The following PCBP3 variants were observed in gnomAD, a reference collection of about 807,000 sequenced individuals.
PCBP3 encodes the protein poly(rC)-binding protein 3.
A neutral mutation model predicts 52.7 loss-of-function variants in PCBP3; 25 were observed. The ratio of observed to expected loss-of-function variants is 0.47; its 90% confidence interval spans 0.35 to 0.66. The LOEUF (loss-of-function observed/expected upper bound fraction) is 0.66, where lower values mean the gene tolerates loss of function less well. Ranked by LOEUF, PCBP3 falls within the 30% of genes least tolerant of loss-of-function variation. The pLI, the probability that PCBP3 is intolerant of heterozygous loss-of-function variation, is 0.01. For synonymous variants in PCBP3, 162 were observed against 183.0 expected (o/e 0.89, Z 0.93); for missense variants, 391 against 490.3 (o/e 0.80, Z 1.91).
chr21:45,810,630 C>A, intron 4 of PCBP3, among the ~76,000 whole-genome samples: 1 of 151,980 alleles, frequency 6.6e-6, no homozygotes, highest in East Asian at 1.9e-4. Flanking sequence ...ATGAGAGACA[C>A]TTTCATTTTT....
intron 4 of PCBP3, among the ~76,000 whole-genome samples, chr21:45,768,317 G>A (rs2145727017): frequency 6.6e-6 from 1 of 152,348 alleles, no homozygotes; most frequent in South Asian, 2.1e-4. Flanking sequence ...TTCCAGCACT[G>A]CGAGACTCTC....
chr21:45,884,841 C>G (rs1826766066), intron 5 of PCBP3, among the ~76,000 whole-genome samples: 1 of 152,200 alleles, frequency 6.6e-6, no homozygotes, highest in Non-Finnish European at 1.5e-5. Flanking sequence ...ACTGTAACTT[C>G]CTTTATAATT....
At chr21:45,936,462 C>A (rs1006446923) in intron 16 of PCBP3, among the ~76,000 whole-genome samples, 9 of 152,250 alleles carry the variant, frequency 5.9e-5, no homozygotes, top group Admixed American at 2.0e-4. Context: ...CTTCTGGCAT[C>A]CCCAAGGATT....
chr21:45,761,097 G>A (rs7280089), intron 4 of PCBP3: 23,845 of 151,412 alleles, frequency 0.16, 2,056 homozygotes, highest in African/African-American at 0.22. Flanking sequence ...AAAAAGTTCC[G>A]TGGGAAGAGC....
rs536305387 is a variant in PCBP3, at chr21:45,708,662, G to A, written c.-199-26730G>A. ...CTAGCAACCGTAGCTTGCAGCAGGG[G>A]TGGGAGTTAATACAATGAGGGGTTA... On this transcript the variant is annotated intron_variant, in intron 2 of 17. Coordinates refer to ENST00000681687, the MANE Select transcript of PCBP3 (RefSeq NM_001384156.1). Among the ~76,000 whole-genome samples, 14 of 152,358 alleles carry A rather than the reference G, an allele frequency of 9.2e-5. No individual in the cohort carries two copies. The East Asian group carries it at 2.7e-3, about 29-fold the overall frequency.
intron 2 of PCBP3, among the ~76,000 whole-genome samples, chr21:45,671,167 G>C (rs551183771): frequency 1.3e-5 from 2 of 152,294 alleles, no homozygotes; most frequent in African/African-American, 4.8e-5. Flanking sequence ...TTTCAATGCT[G>C]TCCTGGGAAA....
intron 1 of PCBP3, among the ~76,000 whole-genome samples, chr21:45,663,579 G>T (rs1002445921): frequency 6.6e-6 from 1 of 152,014 alleles, no homozygotes; most frequent in Non-Finnish European, 1.5e-5. Context: ...AGAGATAAGG[G>T]TCTAGTTTTC....
At chr21:45,877,105 A>G (rs1163387770) in intron 5 of PCBP3, among the ~76,000 whole-genome samples, 1 of 152,356 alleles carries the variant, frequency 6.6e-6, no homozygotes, top group Admixed American at 6.5e-5. Flanking sequence ...TGGGCCTCAC[A>G]TGACACTTTC....
At chr21:45,820,061 T>A (rs1291422446) in intron 4 of PCBP3, among the ~76,000 whole-genome samples, 3 of 152,272 alleles carry the variant, frequency 2.0e-5, no homozygotes, top group Non-Finnish European at 2.9e-5. Flanking sequence ...GGGTCTTCCC[T>A]GGAGACTGGG....
chr21:45,733,494 T>C (rs531689948), intron 2 of PCBP3, among the ~76,000 whole-genome samples: 2 of 152,252 alleles, frequency 1.3e-5, no homozygotes, highest in African/African-American at 4.8e-5. Flanking sequence ...GGTTTCACTG[T>C]GTTAGCCAGG....
In PCBP3 at chr21:45,911,153, C is replaced by T. The variant is rs773207488; in HGVS notation, c.600+123C>T. 5 of 1,150,062 alleles carry T rather than the reference C, an allele frequency of 4.3e-6. No homozygotes were observed. The East Asian group carries it at 9.6e-5, about 22-fold the overall frequency. 71.2% of individuals were successfully genotyped at this position (1,150,062 alleles called of 1,614,324 possible). On this transcript the variant is annotated intron_variant, in intron 11 of 17. Coordinates refer to ENST00000681687, the MANE Select transcript of PCBP3 (RefSeq NM_001384156.1). ...CACACAGTTGGGGCTGTGGGGGGCT[C>T]CTGACCCCAAGTCAGCCTGAGCGAG... is the stretch of plus-strand genomic sequence containing the variant.
intron 4 of PCBP3, among the ~76,000 whole-genome samples, chr21:45,832,377 T>G (rs4819154): frequency 0.14 from 21,554 of 152,148 alleles, 1,690 homozygotes; most frequent in Middle Eastern, 0.28. Context: ...TGTGCTGACC[T>G]CCTATCTCAT....
chr21:45,910,853 C>T (rs780404456), intron 10 of PCBP3, 49 bp from the exon 11 acceptor site: 5 of 1,547,106 alleles, frequency 3.2e-6, no homozygotes, highest in Non-Finnish European at 4.4e-6. Flanking sequence ...GTACTGCTGC[C>T]CCATGCGCTG....
chr21:45,899,557 G>A (rs868621955), intron 6 of PCBP3, 42 bp from the exon 7 acceptor site: 1 of 1,568,168 alleles, frequency 6.4e-7, no homozygotes, highest in African/African-American at 1.3e-5. Context: ...TCCTCCTCCT[G>A]CTCTATGACA....
intron 2 of PCBP3, among the ~76,000 whole-genome samples, chr21:45,677,161 A>G (rs1374481932): frequency 1.3e-5 from 2 of 152,246 alleles, no homozygotes; most frequent in East Asian, 1.9e-4. Context: ...TCTTATGCCA[A>G]ACAACCAGGT....
intron 5 of PCBP3, among the ~76,000 whole-genome samples, chr21:45,883,732 G>C (rs764036410): frequency 6.6e-6 from 1 of 151,910 alleles, no homozygotes; most frequent in Non-Finnish European, 1.5e-5. Flanking sequence ...TGCACGATAC[G>C]CCTTTTCCCA....
chr21:45,899,189 CAATT>C (rs1292961286), intron 6 of PCBP3, among the ~76,000 whole-genome samples: 2 of 152,222 alleles, frequency 1.3e-5, no homozygotes, highest in African/African-American at 2.4e-5. Flanking sequence ...AGTCACGGAG[CAATT>C]GCAGTGCTAA....
chr21:45,717,471 T>C (rs995892497), intron 2 of PCBP3, among the ~76,000 whole-genome samples: 1 of 152,202 alleles, frequency 6.6e-6, no homozygotes, highest in Non-Finnish European at 1.5e-5. Context: ...CTGCGAGTTT[T>C]TCATAGATAT....
chr21:45,815,190 G>A, intron 4 of PCBP3, among the ~76,000 whole-genome samples: 1 of 71,130 alleles, frequency 1.4e-5, no homozygotes, highest in Non-Finnish European at 2.8e-5. Context: ...TGAGTGAGTG[G>A]TGAGTGGTGA....
Sources: allele counts gnomAD v4.1 joint callset (sites outside exome capture counted in the v4.1 genomes callset), GRCh38; gene constraint gnomAD v4.1.1; transcripts MANE v1.5; gene names NCBI Gene and HGNC (gene_info 2026-07-23, HGNC 2026-07-21).